Variants in PIDD1 observed in about 807,000 individuals in gnomAD.
PIDD1 encodes the protein p53-induced death domain protein 1.
PIDD1 carries 72 observed loss-of-function variants against 80.0 expected under a neutral mutation model. That is an observed-to-expected ratio of 0.90 (90% CI 0.74 to 1.09). The LOEUF (loss-of-function observed/expected upper bound fraction) is 1.09, where lower values mean the gene tolerates loss of function less well. Among genes scored for constraint, PIDD1 ranks in the 50% least tolerant of loss-of-function variants. The pLI is 0.00. For missense variants in PIDD1, 1,329 were observed against 1,228.3 expected, an observed-to-expected ratio of 1.08 and a Z score of -1.23; for synonymous variants, 655 against 543.5, an observed-to-expected ratio of 1.21 and a Z score of -2.85.
At position 799,334 on chromosome 11, in the gene PIDD1, T is replaced by C; in HGVS notation, c.2706A>G (p.Pro902=). The change falls in exon 16 of 16, where the codon CCA becomes CCG. Residue 902 remains proline (P), a synonymous_variant. Coordinates refer to ENST00000347755, the MANE Select transcript of PIDD1 (RefSeq NM_145886.4). ...KDPALPGSSA[P]QPPEPAQA Reference sequence around the variant, plus strand: ...AGGCCTGGGCAGGCTCTGGGGGCTGTGGAGCCGAGGAGCCAGGCAGAGCGG... The same window carrying C: ...AGGCCTGGGCAGGCTCTGGGGGCTGCGGAGCCGAGGAGCCAGGCAGAGCGG... 6.2e-7 allele frequency: 1 copy of C among 1,607,324 alleles called. No individual in the cohort carries two copies. Among genetic ancestry groups the C allele is most frequent in the Non-Finnish European group, 8.5e-7 (1 of 1,178,030 alleles).
chr11:805,049 C>T (rs945198065), intron 1 of PIDD1, 130 bp downstream of exon 1: 5 of 225,786 alleles, frequency 2.2e-5, no homozygotes, highest in Non-Finnish European at 3.0e-5. Context: ...GCTCAGACGG[C>T]GTGGGGGGCG....
At chr11:806,757 G>A (rs1306172020), upstream of PIDD1, among the ~76,000 whole-genome samples, 1 of 148,362 alleles carries the variant, frequency 6.7e-6, no homozygotes, top group Admixed American at 7.0e-5. Flanking sequence ...TAATTTTTTT[G>A]TATTTTTAGT....
chr11:806,403 T>C (rs1364524781), upstream of PIDD1, among the ~76,000 whole-genome samples: 20 of 140,762 alleles, frequency 1.4e-4, no homozygotes, highest in Middle Eastern at 3.9e-3. Flanking sequence ...AGAGCAGGTG[T>C]TTAGGGAGGG....
rs758577083 is a variant in PIDD1 at position 803,141 on chromosome 11, G to T, written c.709+33C>A. The T allele has an allele frequency of 6.1e-6, 9 of 1,473,560 alleles. No individual in the cohort carries two copies. In the African/African-American group the frequency reaches 1.1e-4, roughly 18 times the overall value. 91.3% of individuals were successfully genotyped at this position (1,473,560 alleles called of 1,614,324 possible). On this transcript the variant is annotated intron_variant, in intron 3 of 15. Coordinates refer to ENST00000347755, the MANE Select transcript of PIDD1 (RefSeq NM_145886.4). ...GGCAGGCTTCAGGGACCCTCCCGTGGGGCCAGTGTGTCGGGGCGCAGGGGC... is the reference window on the plus strand; with the variant it reads ...GGCAGGCTTCAGGGACCCTCCCGTGTGGCCAGTGTGTCGGGGCGCAGGGGC...
At chr11:808,398 A>G (rs1865889293), upstream of PIDD1, among the ~76,000 whole-genome samples, 1 of 151,354 alleles carries the variant, frequency 6.6e-6, no homozygotes, top group South Asian at 2.1e-4. Flanking sequence ...GTGCACTCCA[A>G]CCTGGGGAAC....
chr11:806,458 C>T (rs182662825), upstream of PIDD1, among the ~76,000 whole-genome samples: 334 of 152,314 alleles, frequency 2.2e-3, 1 homozygote, highest in African/African-American at 7.7e-3. Context: ...GAGGTCATAT[C>T]GGCGGCTCCT....
chr11:801,166 C>G, intron 9 of PIDD1, 46 bp from the exon 10 acceptor site: 1 of 1,545,148 alleles, frequency 6.5e-7, no homozygotes, highest in South Asian at 1.2e-5. Context: ...GGCCGGAGAC[C>G]CCCTCCACCC....
chr11:803,315 G>C lies in PIDD1; in HGVS notation c.568C>G (p.Leu190Val), dbSNP rs754988475. ...CGCTGCAGGGTGGATAGGGCCCCCA[G>C]TGCTGGGGGCAGCGTCTGCAGGCGG... is the stretch of plus-strand genomic sequence containing the variant. Reference protein sequence around the residue: ...HNRLQTLPPALGALSTLQRLD... With the variant: ...HNRLQTLPPAVGALSTLQRLD... The change falls in exon 3 of 16, where the codon CTG (leucine) becomes GTG (valine). Residue 190 changes from leucine to valine, a missense_variant. Coordinates refer to ENST00000347755, the MANE Select transcript of PIDD1 (RefSeq NM_145886.4). 35 of 1,613,854 alleles carry C rather than the reference G, an allele frequency of 2.2e-5. 1 individual carries two copies. In the South Asian group the frequency reaches 3.8e-4, roughly 18 times the overall value.
chr11:799,414 C>G lies in PIDD1; in HGVS notation c.2626G>C (p.Gly876Arg). 1 of 1,611,692 alleles carries G rather than the reference C, an allele frequency of 6.2e-7. No individual in the cohort carries two copies. The highest frequency in any genetic ancestry group is 8.5e-7 in the Non-Finnish European group (1 of 1,179,882). The change falls in exon 16 of 16, where the codon GGC becomes CGC. Residue 876 changes from glycine (G) to arginine (R), a missense_variant. By Grantham distance (125) the Gly-to-Arg change is moderately radical. Coordinates refer to ENST00000347755, the MANE Select transcript of PIDD1 (RefSeq NM_145886.4). ...AEEVRAVLEL[G>R]RRKYQDSIRR... ...ATGCTGTCCTGGTACTTGCGGCGGC[C>G]GAGCTCCAAGACTGCGCGCACCTCT...
At chr11:803,716 G>A (rs1043506702) in intron 2 of PIDD1, 129 bp from the exon 3 acceptor site, 1 of 1,062,032 alleles carries the variant, frequency 9.4e-7, no homozygotes, top group Non-Finnish European at 1.3e-6. Context: ...CAGCCAGACA[G>A]GGACAGACAG....
In PIDD1 at chr11:799,404, T is replaced by C. The variant is rs750201393; in HGVS notation, c.2636A>G (p.Lys879Arg). 4.7e-5 allele frequency: 75 copies of C among 1,611,768 alleles called. No individual in the cohort carries two copies. In the Admixed American group the frequency reaches 6.2e-4, roughly 13 times the overall value. Residue 879 changes from lysine (K) to arginine (R), a missense_variant, in exon 16 of 16, where the codon AAG becomes AGG. Coordinates refer to ENST00000347755, the MANE Select transcript of PIDD1 (RefSeq NM_145886.4). ...VRAVLELGRR[K>R]YQDSIRRMGL... ...CATGCGTCGGATGCTGTCCTGGTACTTGCGGCGGCCGAGCTCCAAGACTGC... is the reference window on the plus strand; with the variant it reads ...CATGCGTCGGATGCTGTCCTGGTACCTGCGGCGGCCGAGCTCCAAGACTGC...
chr11:799,969 A>C lies in PIDD1; in HGVS notation c.2320T>G (p.Leu774Val). ...GCATCTCCCAGATTCAAGGGTGCCAAGGAGAGGCCAGCCCCCCGCCGTGGC... is the reference window on the plus strand; with the variant it reads ...GCATCTCCCAGATTCAAGGGTGCCACGGAGAGGCCAGCCCCCCGCCGTGGC... Reference protein sequence around the residue: ...EGPRRGAGLSLAPLNLGDAET... With the variant: ...EGPRRGAGLSVAPLNLGDAET... Residue 774 changes from leucine to valine, a missense_variant, in exon 15 of 16, where the codon TTG becomes GTG. By Grantham distance (32) the Leu-to-Val change is conservative (BLOSUM62 1). Transcript: ENST00000347755. 1.2e-6 allele frequency: 2 copies of C among 1,612,796 alleles called. No individual in the cohort carries two copies. Among genetic ancestry groups the C allele is most frequent in the Non-Finnish European group, 8.5e-7 (1 of 1,179,932 alleles).
upstream of PIDD1, among the ~76,000 whole-genome samples, chr11:808,318 T>G (rs995985803): frequency 6.6e-6 from 1 of 151,876 alleles, no homozygotes; most frequent in Admixed American, 6.6e-5. Flanking sequence ...TCCCAGCTAC[T>G]CAGGAGACTG....
chr11:803,773 G>A, intron 2 of PIDD1, 186 bp from the exon 3 acceptor site: 1 of 680,564 alleles, frequency 1.5e-6, no homozygotes, highest in Non-Finnish European at 2.5e-6. Context: ...GGCAGGGGTG[G>A]AGACCACCGG....
intron 5 of PIDD1, 32 bp downstream of exon 5, chr11:802,511 C>T (rs1018347744): frequency 7.5e-6 from 12 of 1,610,614 alleles, no homozygotes; most frequent in Admixed American, 1.7e-5. Context: ...GGCAGACAGA[C>T]TCCCCTCCAG....
chr11:807,560 G>C (rs1190319727), upstream of PIDD1, among the ~76,000 whole-genome samples: 2 of 150,880 alleles, frequency 1.3e-5, 1 homozygote, highest in South Asian at 4.2e-4. Flanking sequence ...GGTAGATCAC[G>C]AGGTCAGGAG....
upstream of PIDD1, among the ~76,000 whole-genome samples, chr11:808,546 A>C (rs1268811696): frequency 6.6e-6 from 1 of 151,642 alleles, no homozygotes; most frequent in Non-Finnish European, 1.5e-5. Flanking sequence ...CTCTACCAAA[A>C]AATTTTAGCC....
chr11:803,222 C>A lies in PIDD1; in HGVS notation c.661G>T (p.Glu221Ter). The change falls in exon 3 of 16, where the codon GAG (glutamate) becomes TAG (stop). Residue 221 changes from glutamate (E) to a stop codon, truncating the protein, a stop_gained. Coordinates refer to ENST00000347755, the MANE Select transcript of PIDD1 (RefSeq NM_145886.4). LOFTEE classifies it high-confidence loss of function. ...PEIGGLGSLL[E>*]LNLASNRLQS... ...AGCCGGTTGGAGGCCAGGTTGAGCT[C>A]CAGGAGGCTGCCCAGGCCTCCAATC... is the stretch of plus-strand genomic sequence containing the variant. 6.2e-7 allele frequency: 1 copy of A among 1,611,984 alleles called. No homozygotes were observed. Among genetic ancestry groups the A allele is most frequent in the East Asian group, 2.2e-5 (1 of 44,880 alleles).
Position 800,803 on chromosome 11 carries a change from C to T in PIDD1, c.1876G>A (p.Asp626Asn), listed in dbSNP as rs1402931801. Residue 626 changes from aspartate to asparagine, a missense_variant, in exon 11 of 16, where the codon GAC becomes AAC. Transcript: ENST00000347755. ...CACTGCAGCAGGACCTGCTCAGGGT[C>T]CCGGCGCCGCTGCAGAGCGATGAGG... ...VNLIALQRRRDPEQVLLQCLP... is the reference protein window; with the variant it reads ...VNLIALQRRRNPEQVLLQCLP... The T allele has an allele frequency of 1.9e-6, 3 of 1,556,388 alleles. No individual in the cohort carries two copies. Among genetic ancestry groups the T allele is most frequent in the African/African-American group, 1.4e-5 (1 of 73,624 alleles).
Sources: allele counts gnomAD v4.1 joint callset (sites outside exome capture counted in the v4.1 genomes callset), GRCh38; gene constraint gnomAD v4.1.1; transcripts MANE v1.5; gene names NCBI Gene and HGNC (gene_info 2026-07-23, HGNC 2026-07-21).